Variants in SERINC5 observed in about 807,000 individuals in gnomAD.
SERINC5 encodes serine incorporator 5, also known as chromosome 5 open reading frame 12.
Under a neutral mutation model 63.1 loss-of-function variants are expected in SERINC5, and 41 were observed. The ratio of observed to expected loss-of-function variants is 0.65; its 90% CI spans 0.51 to 0.84. SERINC5 has a LOEUF of 0.84. Ranked by LOEUF, SERINC5 falls within the 40% of genes least tolerant of loss-of-function variation. SERINC5 has a pLI of 0.00. For synonymous variants in SERINC5, 222 were observed against 215.2 expected (o/e 1.03, Z -0.28); for missense variants, 523 against 573.0 (o/e 0.91, Z 0.89).
At chr5:80,192,023 G>A (rs1749220591) in intron 2 of SERINC5, among the ~76,000 whole-genome samples, 1 of 152,220 alleles carries the variant, frequency 6.6e-6, no homozygotes, top group South Asian at 2.1e-4. Flanking sequence ...TAGTTTTATT[G>A]GAACATAGCC....
chr5:80,131,495 T>A lies in SERINC5; in HGVS notation c.1238+14595A>T, dbSNP rs547588740. 3.3e-5 allele frequency among the ~76,000 whole-genome samples: 5 copies of A among 152,098 alleles called. No homozygotes were observed. The East Asian group carries it at 5.8e-4, about 18-fold the overall frequency. ...TATCCAAGGGAGAAGCATTCCAGTA[T>A]GGGAAAGAGTGTGTGCAGAGAGCCT... On this transcript the variant is annotated intron_variant, in intron 11 of 12. Coordinates refer to the SERINC5 transcript ENST00000509193.
At chr5:80,234,308 G>A (rs898065731) in intron 1 of SERINC5, among the ~76,000 whole-genome samples, 9 of 152,106 alleles carry the variant, frequency 5.9e-5, no homozygotes, top group East Asian at 1.9e-4. Context: ...TAGGATTGGC[G>A]TACCCGTTTT....
chr5:80,150,816 CA>C, intron 9 of SERINC5, 65 bp downstream of exon 9: 2 of 1,121,340 alleles, frequency 1.8e-6, no homozygotes, highest in African/African-American at 1.5e-5. Context: ...GACACAAACA[CA>C]AAAGGCCCTC....
chr5:80,250,305 A>T (rs888150161), intron 1 of SERINC5, among the ~76,000 whole-genome samples: 1 of 152,194 alleles, frequency 6.6e-6, no homozygotes, highest in Non-Finnish European at 1.5e-5. Context: ...TTTGGGTTTT[A>T]CAGTGAAGAA....
At chr5:80,189,870 T>C (rs566091037) in intron 2 of SERINC5, among the ~76,000 whole-genome samples, 3 of 151,934 alleles carry the variant, frequency 2.0e-5, no homozygotes, top group African/African-American at 7.2e-5. Context: ...TGCCAACACA[T>C]CCGCTACTTT....
rs551291088 is a variant in SERINC5 at position 80,116,010 on chromosome 5, C to T, written c.1239-2385G>A. ...ATAGAAGATGTTAATTCCACACACA[C>T]GTGAAAGAAATCAACAATCAGGCCT... On this transcript the variant is annotated intron_variant, in intron 11 of 12. Transcript: ENST00000509193. 563 of 282,766 alleles carry T rather than the reference C, an allele frequency of 2.0e-3. 11 individuals carry two copies. Among genetic ancestry groups the T allele is most frequent in the South Asian group, 0.012 (339 of 28,448 alleles). The allele number at this position is 282,766 out of a possible 1,614,324, so 17.5% of individuals were successfully genotyped here. A position where few individuals can be genotyped will look rare whatever the true frequency, so the allele number is the denominator to read the frequency against.
At chr5:80,160,841 T>C (rs1040520004) in intron 7 of SERINC5, among the ~76,000 whole-genome samples, 1 of 151,976 alleles carries the variant, frequency 6.6e-6, no homozygotes, top group African/African-American at 2.4e-5. Flanking sequence ...TCCAGTTCCA[T>C]CCATGTTGCT....
downstream of SERINC5, among the ~76,000 whole-genome samples, chr5:80,135,933 C>T (rs767113506): frequency 2.6e-5 from 4 of 151,430 alleles, no homozygotes; most frequent in Admixed American, 6.6e-5. Flanking sequence ...AGTAGGATGA[C>T]GGTTGCCACA....
chr5:80,166,567 C>T (rs1747317213), intron 6 of SERINC5, 89 bp from the exon 7 acceptor site: 1 of 772,444 alleles, frequency 1.3e-6, no homozygotes, highest in Non-Finnish European at 2.2e-6. Context: ...CCATGACAGT[C>T]CTCAAACTTG....
Position 80,232,595 on chromosome 5 carries a change from C to G in SERINC5, c.27+23301G>C, listed in dbSNP as rs201984747. Reference sequence around the variant, plus strand: ...GGTCAGGAGTTCAAGACCAGCCTGGCCAACATAGTGAAGCCCCATCTCTAC... The same window carrying G: ...GGTCAGGAGTTCAAGACCAGCCTGGGCAACATAGTGAAGCCCCATCTCTAC... On this transcript the variant is annotated intron_variant, in intron 1 of 11. Transcript: ENST00000507668. Among the ~76,000 whole-genome samples the G allele has an allele frequency of 1.8e-4, 27 of 152,020 alleles. No homozygotes were observed. The East Asian group carries it at 5.2e-3, about 29-fold the overall frequency.
At chr5:80,226,808 C>T (rs4704645) in intron 1 of SERINC5, among the ~76,000 whole-genome samples, 91,135 of 152,056 alleles carry the variant, frequency 0.6, 27,605 homozygotes, top group African/African-American at 0.67. Context: ...CATGGATTTA[C>T]TTCATCCTCA....
chr5:80,154,055 C>T (rs755584661), intron 8 of SERINC5, among the ~76,000 whole-genome samples: 2 of 152,150 alleles, frequency 1.3e-5, no homozygotes, highest in Non-Finnish European at 2.9e-5. Flanking sequence ...TGACAGATCC[C>T]GTGACTATTC....
rs148452440 is a variant in SERINC5, at chr5:80,251,083, G to C, written c.27+4813C>G. On this transcript the variant is annotated intron_variant, in intron 1 of 11. Transcript: ENST00000507668. ...CGGACATCAGAAATGAGTTTTACTA[G>C]CCTGGGCAGCAAAGCCAGACCCAGT... 3.5e-3 allele frequency among the ~76,000 whole-genome samples: 536 copies of C among 152,212 alleles called. 2 individuals carry two copies. Among genetic ancestry groups the C allele is most frequent in the African/African-American group, 0.012 (516 of 41,528 alleles).
At chr5:80,178,683 TA>T (rs938833954) in intron 2 of SERINC5, among the ~76,000 whole-genome samples, 6 of 151,272 alleles carry the variant, frequency 4.0e-5, no homozygotes, top group Non-Finnish European at 2.9e-5. Context: ...GCACCTGGCC[TA>T]AAATCCCATT....
At chr5:80,148,058 G>A (rs1745932951) in intron 9 of SERINC5, among the ~76,000 whole-genome samples, 1 of 152,062 alleles carries the variant, frequency 6.6e-6, no homozygotes, top group African/African-American at 2.4e-5. Context: ...ATCTGAAATA[G>A]TAAAGTGAAG....
intron 9 of SERINC5, among the ~76,000 whole-genome samples, chr5:80,150,315 G>A (rs1746091087): frequency 1.3e-5 from 2 of 152,178 alleles, no homozygotes; most frequent in African/African-American, 4.8e-5. Flanking sequence ...TGAGCCTCTG[G>A]TTGGGGGTGA....
At chr5:80,113,991 T>C (rs11750282) in intron 11 of SERINC5, among the ~76,000 whole-genome samples, 85 of 152,092 alleles carry the variant, frequency 5.6e-4, no homozygotes, top group Non-Finnish European at 1.0e-3. Flanking sequence ...CATCTCTGGG[T>C]GTCCTCAAGA....
intron 2 of SERINC5, among the ~76,000 whole-genome samples, chr5:80,197,834 A>G (rs1749605043): frequency 6.6e-6 from 1 of 151,962 alleles, no homozygotes; most frequent in South Asian, 2.1e-4. Flanking sequence ...TTTGCATTCT[A>G]CATTCTAAAA....
intron 2 of SERINC5, among the ~76,000 whole-genome samples, chr5:80,191,917 T>C (rs1749215285): frequency 1.3e-5 from 2 of 152,092 alleles, no homozygotes; most frequent in Non-Finnish European, 2.9e-5. Context: ...TTGAGAGAGA[T>C]GGGAGAATAA....
Sources: gnomAD v4.1 joint callset for allele counts (sites outside exome capture counted in the v4.1 genomes callset) on GRCh38, gnomAD v4.1.1 for gene constraint, MANE v1.5 for transcripts, NCBI Gene and HGNC (gene_info 2026-07-23, HGNC 2026-07-21) for gene names.